The following LCORL variants were observed in gnomAD, a reference collection of about 807,000 sequenced individuals.
The protein encoded by LCORL is ligand-dependent nuclear receptor corepressor-like protein.
LCORL carries 41 observed loss-of-function variants against 141.8 expected under a neutral mutation model. The observed-to-expected ratio is 0.29, with a 90% CI of 0.23 to 0.38. The LOEUF is 0.38. Among genes scored for constraint, LCORL ranks in the 10% least tolerant of loss-of-function variants. The pLI is 1.00. For missense variants in LCORL, 1,759 were observed against 2,035.0 expected, an observed-to-expected ratio of 0.86 and a Z score of 2.61; for synonymous variants, 618 against 694.1, an observed-to-expected ratio of 0.89 and a Z score of 1.72.
chr4:17,890,259 AT>A (rs1189179189), intron 5 of LCORL, among the ~76,000 whole-genome samples: 1 of 152,082 alleles, frequency 6.6e-6, no homozygotes, highest in Non-Finnish European at 1.5e-5. Flanking sequence ...TGTTGCTGTG[AT>A]TTTTAATTTT....
intron 4 of LCORL, 23 bp downstream of exon 4, chr4:17,961,880 A>G: frequency 6.3e-7 from 1 of 1,581,928 alleles, no homozygotes; most frequent in Non-Finnish European, 8.6e-7. Flanking sequence ...CAAATTTTAA[A>G]TGACAAAGCA....
chr4:17,942,764 T>G (rs1449105164), intron 4 of LCORL, among the ~76,000 whole-genome samples: 1 of 152,162 alleles, frequency 6.6e-6, no homozygotes, highest in Non-Finnish European at 1.5e-5. Flanking sequence ...AGATTATATA[T>G]TTCTTGGAGA....
At chr4:17,918,774 A>C (rs1198912125) in intron 4 of LCORL, among the ~76,000 whole-genome samples, 1 of 152,186 alleles carries the variant, frequency 6.6e-6, no homozygotes, top group Non-Finnish European at 1.5e-5. Flanking sequence ...AGGAAAGAAG[A>C]GACAAAAGTA....
chr4:17,894,575 A>G (rs1729601567), intron 5 of LCORL, among the ~76,000 whole-genome samples: 1 of 152,208 alleles, frequency 6.6e-6, no homozygotes, highest in African/African-American at 2.4e-5. Flanking sequence ...ATTATATTTT[A>G]AAAACAGTTT....
intron 1 of LCORL, among the ~76,000 whole-genome samples, chr4:17,994,777 GA>G (rs11430331): frequency 1.5e-3 from 225 of 148,048 alleles, no homozygotes; most frequent in Non-Finnish European, 2.7e-3. Flanking sequence ...GAGTAATAGG[GA>G]AAAAAAAAAT....
intron 1 of LCORL, among the ~76,000 whole-genome samples, chr4:18,017,006 A>C (rs189999097): frequency 1.3e-5 from 2 of 152,270 alleles, no homozygotes; most frequent in Non-Finnish European, 2.9e-5. Context: ...AAATTTGGAA[A>C]AGGAGCTCAT....
chr4:18,013,420 A>G (rs1724113374), intron 1 of LCORL, among the ~76,000 whole-genome samples: 1 of 152,216 alleles, frequency 6.6e-6, no homozygotes, highest in Non-Finnish European at 1.5e-5. Context: ...TAATTTTCTA[A>G]TTTATACCTT....
intron 1 of LCORL, among the ~76,000 whole-genome samples, chr4:17,991,170 T>C (rs1180379843): frequency 2.6e-5 from 4 of 152,120 alleles, no homozygotes; most frequent in Non-Finnish European, 2.9e-5. Context: ...TAGCATAACC[T>C]CTCTCATCAC....
At chr4:17,935,476 G>A (rs184595274) in intron 4 of LCORL, among the ~76,000 whole-genome samples, 132 of 152,250 alleles carry the variant, frequency 8.7e-4, no homozygotes, top group African/African-American at 3.0e-3. Context: ...TTGGGTCATG[G>A]GGCCAGATCC....
At position 18,021,466 on chromosome 4, in the gene LCORL, C is replaced by A; in HGVS notation, c.154+132G>T. 1.4e-6 allele frequency: 1 copy of A among 726,454 alleles called. No homozygotes were observed. The allele number at this position is 726,454 out of a possible 1,614,324, so 45.0% of individuals were successfully genotyped here. ...CGAGCGCCGGGGCCGCCGCGCCGCG[C>A]CGCTCCCATCTCGCTCCCCCACCGA... On this transcript the variant is annotated intron_variant, in intron 1 of 7. Transcript: ENST00000635767. The surrounding 1 kb of genome is among the most constrained non-coding windows in gnomAD (Gnocchi z 5.5).
intron 6 of LCORL, among the ~76,000 whole-genome samples, chr4:17,879,140 G>A (rs1178292209): frequency 6.6e-6 from 1 of 150,840 alleles, no homozygotes; most frequent in African/African-American, 2.4e-5. Flanking sequence ...TTGGAATAAT[G>A]CTGATTATGA....
chr4:17,948,606 A>AT (rs1275866426), intron 4 of LCORL, among the ~76,000 whole-genome samples: 1 of 151,994 alleles, frequency 6.6e-6, no homozygotes, highest in African/African-American at 2.4e-5. Flanking sequence ...AGCAATGCAG[A>AT]TTTTCTATCA....
chr4:17,972,468 T>G (rs1425388569), intron 2 of LCORL, among the ~76,000 whole-genome samples: 1 of 151,700 alleles, frequency 6.6e-6, no homozygotes, highest in Non-Finnish European at 1.5e-5. Context: ...ATAATTCAAT[T>G]AAAGTTTAAT....
At chr4:17,950,913 G>A (rs182172954) in intron 4 of LCORL, among the ~76,000 whole-genome samples, 16 of 152,256 alleles carry the variant, frequency 1.1e-4, no homozygotes, top group Admixed American at 7.8e-4. Flanking sequence ...AGTATTGGGC[G>A]ACCAGGAGCT....
chr4:17,934,109 G>C (rs1736470376), intron 4 of LCORL, among the ~76,000 whole-genome samples: 1 of 151,992 alleles, frequency 6.6e-6, no homozygotes, highest in African/African-American at 2.4e-5. Flanking sequence ...GGGATTTTTA[G>C]GGAAGTGATA....
At chr4:17,879,707 G>A (rs1415354970) in intron 6 of LCORL, among the ~76,000 whole-genome samples, 1 of 150,820 alleles carries the variant, frequency 6.6e-6, no homozygotes, top group Admixed American at 6.6e-5. Context: ...TTTTTTTCCA[G>A]CAAATTAAAA....
intron 7 of LCORL, among the ~76,000 whole-genome samples, chr4:17,869,308 T>C (rs563318344): frequency 1.3e-5 from 2 of 152,218 alleles, no homozygotes; most frequent in Non-Finnish European, 2.9e-5. Flanking sequence ...TGGTCAATTA[T>C]AGTTTTCTGT....
chr4:17,905,200 T>C (rs1173292245), intron 5 of LCORL, among the ~76,000 whole-genome samples: 1 of 152,158 alleles, frequency 6.6e-6, no homozygotes, highest in Non-Finnish European at 1.5e-5. Flanking sequence ...TTTTGTGTTA[T>C]CTTTTATTTT....
chr4:17,847,114 G>A (rs544383327), intron 7 of LCORL, among the ~76,000 whole-genome samples: 12 of 152,260 alleles, frequency 7.9e-5, no homozygotes, highest in South Asian at 2.1e-4. Flanking sequence ...TAATGAATAC[G>A]CCATCCCTAG....
Sources: gnomAD v4.1 joint callset for allele counts (sites outside exome capture counted in the v4.1 genomes callset) on GRCh38, gnomAD v4.1.1 for gene constraint, Gnocchi (gnomAD v3.1) non-coding constraint, MANE v1.5 for transcripts, NCBI Gene and HGNC (gene_info 2026-07-23, HGNC 2026-07-21) for gene names.